FGD3: variants seen among roughly 807,000 people sequenced by gnomAD.
FGD3 encodes FYVE, RhoGEF and PH domain-containing protein 3.
In FGD3, 45 loss-of-function variants were observed where a neutral mutation model predicts 71.8. That is an observed-to-expected ratio of 0.63 (90% CI 0.49 to 0.80). The LOEUF (loss-of-function observed/expected upper bound fraction) is 0.80. FGD3 is among the 30% of genes least tolerant of loss of function. The pLI is 0.00. For missense variants in FGD3, 844 were observed against 951.5 expected (o/e 0.89, Z 1.49); for synonymous variants, 378 against 392.8 (o/e 0.96, Z 0.44).
At chr9:92,981,789 A>T (rs562570258) in intron 3 of FGD3, among the ~76,000 whole-genome samples, 1 of 152,132 alleles carries the variant, frequency 6.6e-6, no homozygotes, top group African/African-American at 2.4e-5. Context: ...TAACTATATA[A>T]TGTCATTCTT....
At chr9:92,977,392 A>G (rs529260983) in intron 3 of FGD3, among the ~76,000 whole-genome samples, 1 of 152,160 alleles carries the variant, frequency 6.6e-6, no homozygotes, top group East Asian at 1.9e-4. Flanking sequence ...AACTGTGGGT[A>G]TGGGGGGCAC....
At chr9:92,960,140 A>G (rs767103692) in intron 1 of FGD3, among the ~76,000 whole-genome samples, 21 of 151,118 alleles carry the variant, frequency 1.4e-4, no homozygotes, top group African/African-American at 2.0e-4. Flanking sequence ...CTGTGTCTTC[A>G]TGTCTTCATG....
rs201225542 is a variant in FGD3, at chr9:93,013,903, G to C, written c.1087G>C (p.Asp363His). ...GTACGAGCAGCTGGGTGGGGAAGAA[G>C]ACATTGTCAACCCGGCCAATGAACT... The part of the protein sequence containing the change: ...EVYEQLGGEE[D>H]IVNPANELIK... Residue 363 changes from aspartate to histidine, a missense_variant, in exon 9 of 18, where the codon GAC becomes CAC. By Grantham distance (81) the Asp-to-His change is moderately conservative. Transcript: ENST00000375482. 10 of 1,612,788 alleles carry C rather than the reference G, an allele frequency of 6.2e-6. No individual in the cohort carries two copies. The East Asian group carries it at 2.2e-4, about 36-fold the overall frequency.
At position 93,029,924 on chromosome 9, in the gene FGD3, G is replaced by A; in HGVS notation, c.1608G>A (p.Gln536=). 4.3e-6 allele frequency: 7 copies of A among 1,613,676 alleles called. No homozygotes were observed. The highest frequency in any genetic ancestry group is 5.9e-6 in the Non-Finnish European group (7 of 1,179,778). ...AGACCAGACGTGACAAGGAGAAGCA[G>A]AGCTGTAAGAGCTGTGGTGAGACCT... ...SSKTRRDKEK[Q]SCKSCGETFN... is the part of the protein sequence containing the mutation. The change falls in exon 15 of 18, where the codon CAG becomes CAA. Residue 536 remains glutamine (Q), a synonymous_variant. Coordinates refer to ENST00000375482, the MANE Select transcript of FGD3 (RefSeq NM_001083536.2).
At chr9:93,012,257 T>G (rs867626477) in intron 8 of FGD3, among the ~76,000 whole-genome samples, 32 of 152,164 alleles carry the variant, frequency 2.1e-4, no homozygotes, top group African/African-American at 5.6e-4. Context: ...CCTAGGCAGT[T>G]TCATTTAATT....
chr9:92,965,929 G>A (rs1564142453), intron 1 of FGD3, among the ~76,000 whole-genome samples: 1 of 152,178 alleles, frequency 6.6e-6, no homozygotes. Context: ...GATGAGACTG[G>A]GCTTGTGGAA....
chr9:93,020,003 CTG>C, intron 12 of FGD3, 142 bp downstream of exon 12: 1 of 872,592 alleles, frequency 1.1e-6, no homozygotes, highest in Admixed American at 2.1e-5. Flanking sequence ...AGTGACCACA[CTG>C]TGCCTTCATA....
chr9:92,973,741 TG>T (rs1218084196), intron 1 of FGD3, among the ~76,000 whole-genome samples: 1 of 152,020 alleles, frequency 6.6e-6, no homozygotes, highest in African/African-American at 2.4e-5. Context: ...TCCTCACAGG[TG>T]GTTCTTTCTC....
intron 14 of FGD3, among the ~76,000 whole-genome samples, chr9:93,027,125 G>C (rs1259418607): frequency 6.6e-6 from 1 of 152,240 alleles, no homozygotes; most frequent in African/African-American, 2.4e-5. Flanking sequence ...GGTGCCGGGG[G>C]CTGCAGCACA....
In FGD3 at chr9:93,003,845, A is replaced by T. The variant is rs1860946846; in HGVS notation, c.544-156A>T. Among the ~76,000 whole-genome samples, 1 of 152,214 alleles carries T rather than the reference A, an allele frequency of 6.6e-6. No individual in the cohort carries two copies. The highest frequency in any genetic ancestry group is 2.4e-5 in the African/African-American group (1 of 41,454). On this transcript the variant is annotated intron_variant, in intron 4 of 17. Coordinates refer to ENST00000375482, the MANE Select transcript of FGD3 (RefSeq NM_001083536.2). This position sits in a 1 kb window ranked among gnomAD's most constrained non-coding sequence, Gnocchi z 4.1. Reference sequence around the variant, plus strand: ...CCATGAGGTTGTCTGAACCAGTTGGATGAAAAGGGAGGACAATAATTCTGA... The same window carrying T: ...CCATGAGGTTGTCTGAACCAGTTGGTTGAAAAGGGAGGACAATAATTCTGA...
Position 93,018,068 on chromosome 9 carries a change from G to GA in FGD3, c.1276-64dup. ...TCCTTGGGGAAACACTTCTAAGTCA[G>GA]AAAACATGAGGCTGGAGCTAAAATG... On this transcript the variant is annotated intron_variant, in intron 10 of 17. Coordinates refer to ENST00000375482, the MANE Select transcript of FGD3 (RefSeq NM_001083536.2). 2.0e-6 allele frequency: 3 copies of GA among 1,472,670 alleles called. No individual in the cohort carries two copies. The South Asian group carries it at 3.4e-5, about 17-fold the overall frequency. 91.2% of individuals were successfully genotyped at this position (1,472,670 alleles called of 1,614,324 possible). A position where few individuals can be genotyped will look rare whatever the true frequency, so the allele number is the denominator to read the frequency against.
At chr9:92,968,615 T>G (rs1165216101) in intron 1 of FGD3, among the ~76,000 whole-genome samples, 1 of 150,204 alleles carries the variant, frequency 6.7e-6, no homozygotes, top group Non-Finnish European at 1.5e-5. Context: ...TTCTTTTTTT[T>G]TTTTTTGACA....
chr9:92,994,481 A>G (rs1331502727), intron 3 of FGD3, among the ~76,000 whole-genome samples: 1 of 151,932 alleles, frequency 6.6e-6, no homozygotes, highest in East Asian at 1.9e-4. Flanking sequence ...ATTAGATCCC[A>G]TTTGTCAATT....
chr9:93,025,655 C>A (rs1285868927), intron 14 of FGD3, among the ~76,000 whole-genome samples: 1 of 152,234 alleles, frequency 6.6e-6, no homozygotes, highest in African/African-American at 2.4e-5. Flanking sequence ...AGAAGCTACA[C>A]CCAAGCCAGG....
At chr9:93,023,949 G>A (rs1304433980) in intron 14 of FGD3, among the ~76,000 whole-genome samples, 3 of 151,484 alleles carry the variant, frequency 2.0e-5, no homozygotes, top group Non-Finnish European at 4.4e-5. Flanking sequence ...CTACAGGCAC[G>A]TGCAACCATG....
chr9:92,962,360 A>G (rs930186432), intron 1 of FGD3, among the ~76,000 whole-genome samples: 1 of 152,208 alleles, frequency 6.6e-6, no homozygotes, highest in Non-Finnish European at 1.5e-5. Context: ...CTTCTGGCAC[A>G]GGGGACCTCT....
intron 3 of FGD3, among the ~76,000 whole-genome samples, chr9:93,001,570 A>G (rs913927046): frequency 1.3e-5 from 2 of 152,214 alleles, no homozygotes; most frequent in African/African-American, 4.8e-5. Context: ...GACTTGTCTC[A>G]GATTCCGTTG....
At chr9:92,952,422 A>T (rs1313932517) in intron 1 of FGD3, among the ~76,000 whole-genome samples, 2 of 152,004 alleles carry the variant, frequency 1.3e-5, no homozygotes, top group South Asian at 4.2e-4. Flanking sequence ...ATTTTTTAGT[A>T]GAGACGGGGT....
At chr9:92,948,626 G>T (rs1463392931) in intron 1 of FGD3, among the ~76,000 whole-genome samples, 2 of 152,360 alleles carry the variant, frequency 1.3e-5, no homozygotes, top group Middle Eastern at 3.4e-3. Flanking sequence ...CTATGTATGT[G>T]TGTGCACAGG....
Sources: allele counts gnomAD v4.1 joint callset (sites outside exome capture counted in the v4.1 genomes callset), GRCh38; gene constraint gnomAD v4.1.1; non-coding constraint Gnocchi (gnomAD v3.1); transcripts MANE v1.5; gene names NCBI Gene and HGNC (gene_info 2026-07-23, HGNC 2026-07-21).